Variants in PXDNL observed in about 807,000 individuals in gnomAD.
PXDNL encodes the protein probable oxidoreductase PXDNL.
In PXDNL, 145 loss-of-function variants were observed where a neutral mutation model predicts 150.8. The ratio of observed to expected loss-of-function variants is 0.96; its 90% CI spans 0.84 to 1.10. PXDNL has a LOEUF of 1.10. Ranked by LOEUF, PXDNL falls within the 50% of genes least tolerant of loss-of-function variation. The probability of loss-of-function intolerance (pLI) is 0.00; values close to 1 mark genes in which losing one functional copy is unlikely to be tolerated. For synonymous variants in PXDNL, 757 were observed against 725.7 expected (o/e 1.04, Z -0.69); for missense variants, 2,087 against 1,873.9 (o/e 1.11, Z -2.10).
intron 17 of PXDNL, among the ~76,000 whole-genome samples, chr8:51,380,777 G>A (rs1020048793): frequency 1.3e-5 from 2 of 152,090 alleles, no homozygotes; most frequent in Non-Finnish European, 2.9e-5. Context: ...TTTTTGAGAT[G>A]TTCTTTATTT....
chr8:51,377,998 A>C (rs1807395178), intron 17 of PXDNL, among the ~76,000 whole-genome samples: 1 of 152,312 alleles, frequency 6.6e-6, no homozygotes, highest in African/African-American at 2.4e-5. Context: ...TCTAGTGGGG[A>C]CTTGGAGAAC....
intron 1 of PXDNL, among the ~76,000 whole-genome samples, chr8:51,792,235 TTC>T (rs1433540946): frequency 6.7e-6 from 1 of 149,766 alleles, no homozygotes; most frequent in African/African-American, 2.5e-5. Context: ...GGTATCGAGG[TTC>T]TCTCACTGGG....
At chr8:51,750,201 T>C (rs2037030245) in intron 1 of PXDNL, among the ~76,000 whole-genome samples, 1 of 152,200 alleles carries the variant, frequency 6.6e-6, no homozygotes, top group Non-Finnish European at 1.5e-5. Context: ...TTTTTTTCTT[T>C]TTAAACTTTT....
At chr8:51,329,940 G>A (rs535344677) in intron 21 of PXDNL, among the ~76,000 whole-genome samples, 1 of 152,186 alleles carries the variant, frequency 6.6e-6, no homozygotes, top group Non-Finnish European at 1.5e-5. Context: ...TCAAAGGCTG[G>A]AGAGCCAGAG....
At chr8:51,511,165 T>C in intron 4 of PXDNL, among the ~76,000 whole-genome samples, 1 of 152,154 alleles carries the variant, frequency 6.6e-6, no homozygotes, top group Non-Finnish European at 1.5e-5. Flanking sequence ...CTCATCTTCT[T>C]ATTTGACCCC....
In PXDNL at chr8:51,608,003, A is replaced by AAGAAAGAAAG. The variant is rs1482562740; in HGVS notation, c.237-15315_237-15306dup. Among the ~76,000 whole-genome samples the AAGAAAGAAAG allele has an allele frequency of 2.1e-3, 80 of 37,274 alleles. 5 individuals carry two copies. Among genetic ancestry groups the AAGAAAGAAAG allele is most frequent in the African/African-American group, 0.011 (74 of 6,714 alleles). The allele number at this position is 37,274 out of a possible 152,430, so 24.5% of individuals were successfully genotyped here. On this transcript the variant is annotated intron_variant, in intron 2 of 22. Transcript: ENST00000356297. ...GAAGGAAGAGAGAGAGGAAGGAAGG[A>AAGAAAGAAAG]AGAAAGAAAGAAAGAAAGAAAGAAA...
At chr8:51,782,342 C>T (rs1014546753) in intron 1 of PXDNL, among the ~76,000 whole-genome samples, 1 of 152,140 alleles carries the variant, frequency 6.6e-6, no homozygotes, top group African/African-American at 2.4e-5. Flanking sequence ...GTCAAAGAAT[C>T]AGCCACCATG....
chr8:51,503,496 G>A (rs1811227924), intron 4 of PXDNL, among the ~76,000 whole-genome samples: 1 of 152,134 alleles, frequency 6.6e-6, no homozygotes, highest in African/African-American at 2.4e-5. Flanking sequence ...TTCAAATAAG[G>A]AGGGAGTCAG....
Position 51,757,973 on chromosome 8 carries a change from C to A in PXDNL, c.164+51208G>T, listed in dbSNP as rs567468013. Among the ~76,000 whole-genome samples the A allele has an allele frequency of 2.3e-3, 353 of 151,876 alleles. 8 individuals carry two copies. Among genetic ancestry groups the A allele is most frequent in the Non-Finnish European group, 2.5e-3 (170 of 67,956 alleles). On this transcript the variant is annotated intron_variant, in intron 1 of 22. Coordinates refer to ENST00000356297, the MANE Select transcript of PXDNL (RefSeq NM_144651.5). ...TTAGAATATATTCTCATGAAAATAC[C>A]AATTAAATATAAAAAACTGAACATA...
chr8:51,470,509 T>C (rs999330757), intron 8 of PXDNL, among the ~76,000 whole-genome samples: 1 of 152,100 alleles, frequency 6.6e-6, no homozygotes, highest in African/African-American at 2.4e-5. Flanking sequence ...ATGAAAACCA[T>C]GGTAATTATC....
At chr8:51,583,141 AT>A (rs1438842695) in intron 3 of PXDNL, among the ~76,000 whole-genome samples, 4 of 152,124 alleles carry the variant, frequency 2.6e-5, no homozygotes. Flanking sequence ...TTTTTAGGTG[AT>A]TGTGTTAGTC....
intron 19 of PXDNL, among the ~76,000 whole-genome samples, chr8:51,363,869 C>T (rs146590125): frequency 1.2e-4 from 18 of 152,142 alleles, no homozygotes; most frequent in African/African-American, 4.3e-4. Flanking sequence ...AAGATTATTC[C>T]TGGAGAAATA....
intron 1 of PXDNL, among the ~76,000 whole-genome samples, chr8:51,756,391 C>T (rs962179708): frequency 2.2e-5 from 2 of 92,886 alleles, no homozygotes; most frequent in East Asian, 2.8e-4. Flanking sequence ...GACCCCATCA[C>T]AGAAAAAAAA....
chr8:51,576,294 A>G (rs1813053190), intron 3 of PXDNL, among the ~76,000 whole-genome samples: 1 of 151,924 alleles, frequency 6.6e-6, no homozygotes. Flanking sequence ...TGAGCTATAA[A>G]GAATCCTCAA....
chr8:51,676,677 T>G (rs1437560367), intron 1 of PXDNL, among the ~76,000 whole-genome samples: 4 of 152,124 alleles, frequency 2.6e-5, no homozygotes, highest in Non-Finnish European at 5.9e-5. Flanking sequence ...TACCAAACCG[T>G]GTGGAAATAA....
intron 3 of PXDNL, among the ~76,000 whole-genome samples, chr8:51,568,993 T>C (rs1812877401): frequency 6.6e-6 from 1 of 151,946 alleles, no homozygotes; most frequent in Admixed American, 6.6e-5. Context: ...TACCCACCTA[T>C]TCTTGCATGT....
intron 8 of PXDNL, among the ~76,000 whole-genome samples, chr8:51,460,403 G>A (rs1810047914): frequency 6.9e-6 from 1 of 143,962 alleles, no homozygotes; most frequent in African/African-American, 2.6e-5. Context: ...AATTTCCATA[G>A]CTAAACCTCA....
chr8:51,702,033 A>G (rs980172840), intron 1 of PXDNL, among the ~76,000 whole-genome samples: 5 of 152,210 alleles, frequency 3.3e-5, no homozygotes, highest in African/African-American at 9.6e-5. Context: ...ACTTATTTAA[A>G]TATGTTTACA....
At chr8:51,574,635 T>A (rs1432270820) in intron 3 of PXDNL, among the ~76,000 whole-genome samples, 3 of 151,386 alleles carry the variant, frequency 2.0e-5, no homozygotes, top group Non-Finnish European at 4.4e-5. Context: ...TATTCAAATA[T>A]CAGAAAACTA....
Sources: allele counts gnomAD v4.1 joint callset (sites outside exome capture counted in the v4.1 genomes callset), GRCh38; gene constraint gnomAD v4.1.1; transcripts MANE v1.5; gene names NCBI Gene and HGNC (gene_info 2026-07-23, HGNC 2026-07-21).